The following MEF2C variants were observed in gnomAD, a reference collection of about 807,000 sequenced individuals.
MEF2C encodes myocyte-specific enhancer factor 2C.
MEF2C carries 6 observed loss-of-function variants against 50.5 expected under a neutral mutation model. That is an observed-to-expected ratio of 0.12 (90% CI 0.07 to 0.23). The LOEUF (loss-of-function observed/expected upper bound fraction) is 0.23. MEF2C is among the 10% of genes least tolerant of loss of function. The pLI, the probability that MEF2C is intolerant of heterozygous loss-of-function variation, is 1.00. For synonymous variants in MEF2C, 183 were observed against 228.0 expected (o/e 0.80, Z 1.78); for missense variants, 276 against 605.0 (o/e 0.46, Z 5.70).
At chr5:88,747,168 T>C (rs1053846839) in intron 6 of MEF2C, among the ~76,000 whole-genome samples, 1 of 152,186 alleles carries the variant, frequency 6.6e-6, no homozygotes, top group Admixed American at 6.5e-5. Context: ...TCATTAAACT[T>C]AGCCAACTGT....
intron 1 of MEF2C, among the ~76,000 whole-genome samples, chr5:88,835,532 C>T (rs1166947003): frequency 6.6e-6 from 1 of 151,994 alleles, no homozygotes; most frequent in Admixed American, 6.6e-5. Flanking sequence ...AAAATACAGG[C>T]CTGGCGCAGT....
chr5:88,729,172 A>G, intron 9 of MEF2C, 46 bp downstream of exon 9: 4 of 1,608,354 alleles, frequency 2.5e-6, no homozygotes, highest in Middle Eastern at 1.7e-4. Flanking sequence ...TTGATTTTCA[A>G]TAAAAAGTAT....
intron 1 of MEF2C, among the ~76,000 whole-genome samples, chr5:88,841,309 C>T (rs919775483): frequency 2.6e-5 from 4 of 151,972 alleles, no homozygotes; most frequent in African/African-American, 9.7e-5. Flanking sequence ...CAGTTCGAGA[C>T]CAGTCTGGGC....
At chr5:88,819,709 A>G (rs1008348699) in intron 2 of MEF2C, among the ~76,000 whole-genome samples, 6 of 151,996 alleles carry the variant, frequency 3.9e-5, no homozygotes, top group African/African-American at 1.4e-4. Flanking sequence ...GTTTAACTCA[A>G]TCAGGGGTCC....
chr5:88,789,515 T>A (rs1792715467), intron 3 of MEF2C, among the ~76,000 whole-genome samples: 1 of 152,062 alleles, frequency 6.6e-6, no homozygotes, highest in South Asian at 2.1e-4. Context: ...ACACCCATTG[T>A]GTAGTTTTAC....
Position 88,718,639 on chromosome 5 carries a change from T to G in MEF2C, c.*3965A>C, listed in dbSNP as rs1755288734. On this transcript the variant is annotated 3_prime_UTR_variant, in exon 11 of 11. Coordinates refer to ENST00000504921, the MANE Select transcript of MEF2C (RefSeq NM_002397.5). Reference sequence around the variant, plus strand: ...CTTTGCTCGAAGAGAACACTGGTACTGCATTCAAACCACAACAGAATCCGT... The same window carrying G: ...CTTTGCTCGAAGAGAACACTGGTACGGCATTCAAACCACAACAGAATCCGT... The G allele has an allele frequency of 6.6e-6, 1 of 152,230 alleles. No individual in the cohort carries two copies. The highest frequency in any genetic ancestry group is 1.5e-5 in the Non-Finnish European group (1 of 68,040). 9.4% of individuals were successfully genotyped at this position (152,230 alleles called of 1,614,324 possible).
intron 1 of MEF2C, among the ~76,000 whole-genome samples, chr5:88,867,777 AACC>A (rs746014868): frequency 2.0e-5 from 3 of 152,224 alleles, no homozygotes; most frequent in Admixed American, 6.5e-5. Flanking sequence ...TCCTACTTTC[AACC>A]ACCAAGCCAG....
At chr5:88,736,850 C>G (rs1272796221) in intron 6 of MEF2C, 1 of 985,224 alleles carries the variant, frequency 1.0e-6, no homozygotes, top group Non-Finnish European at 1.2e-6. Context: ...GGAATATATG[C>G]AAATCTTTGC....
intron 3 of MEF2C, among the ~76,000 whole-genome samples, chr5:88,767,417 C>A (rs377544679): frequency 6.8e-6 from 1 of 146,196 alleles, no homozygotes; most frequent in Non-Finnish European, 1.5e-5. Flanking sequence ...GAAATGAAGA[C>A]ACATTAATAT....
At chr5:88,849,000 A>C (rs557046743) in intron 1 of MEF2C, among the ~76,000 whole-genome samples, 2 of 151,870 alleles carry the variant, frequency 1.3e-5, no homozygotes, top group Non-Finnish European at 2.9e-5. Context: ...AAAATACAAA[A>C]ATTCGCCGGG....
chr5:88,775,863 T>G, intron 3 of MEF2C: 3 of 957,792 alleles, frequency 3.1e-6, no homozygotes, highest in Non-Finnish European at 3.7e-6. Flanking sequence ...TATATACATT[T>G]TATTTTTTTA....
chr5:88,824,176 C>CT (rs1482889512), intron 1 of MEF2C: 2 of 953,006 alleles, frequency 2.1e-6, no homozygotes, highest in East Asian at 1.1e-4. Context: ...GCAAACTATG[C>CT]TTTTTTAAAG....
intron 3 of MEF2C, among the ~76,000 whole-genome samples, chr5:88,766,022 T>C (rs1333421417): frequency 6.6e-6 from 1 of 152,140 alleles, no homozygotes; most frequent in African/African-American, 2.4e-5. Flanking sequence ...AGAGGAGTAA[T>C]TAGATTGACA....
chr5:88,732,252 C>T (rs976316123), intron 6 of MEF2C, among the ~76,000 whole-genome samples: 2 of 152,108 alleles, frequency 1.3e-5, no homozygotes, highest in South Asian at 2.1e-4. Flanking sequence ...ACTAGCTTGG[C>T]GGAGGCCTGG....
At chr5:88,812,519 AT>A (rs1441456364) in intron 2 of MEF2C, among the ~76,000 whole-genome samples, 1 of 152,122 alleles carries the variant, frequency 6.6e-6, no homozygotes, top group Non-Finnish European at 1.5e-5. Flanking sequence ...ACTTGGTCAA[AT>A]TTTGTGTGTG....
chr5:88,888,493 T>C (rs1834212571), intron 1 of MEF2C, among the ~76,000 whole-genome samples: 1 of 152,252 alleles, frequency 6.6e-6, no homozygotes, highest in Non-Finnish European at 1.5e-5. Context: ...TGGCCAGTTT[T>C]ACTTTATGGG....
intron 1 of MEF2C, among the ~76,000 whole-genome samples, chr5:88,827,614 A>T (rs558556181): frequency 1.3e-5 from 2 of 152,096 alleles, no homozygotes; most frequent in Admixed American, 1.3e-4. Flanking sequence ...TGTCAGCTCT[A>T]GGTTAGTGTT....
rs987901900 is a variant in MEF2C, at chr5:88,734,582, T to G, written c.638-2681A>C. The G allele has an allele frequency of 1.1e-3, 1,053 of 957,964 alleles. 1 individual carries two copies. The highest frequency in any genetic ancestry group is 1.4e-3 in the South Asian group (28 of 20,682). 59.3% of individuals were successfully genotyped at this position (957,964 alleles called of 1,614,324 possible). A position where few individuals can be genotyped will look rare whatever the true frequency, so the allele number is the denominator to read the frequency against. ...AAAAGTTTGTTTTTTTTTTTTTTTT[T>G]TTTTTTTTTTTTTTTTAGCATTTTC... On this transcript the variant is annotated intron_variant, in intron 6 of 10. Transcript: ENST00000504921.
intron 3 of MEF2C, among the ~76,000 whole-genome samples, chr5:88,803,424 G>C (rs1177465574): frequency 6.6e-6 from 1 of 152,160 alleles, no homozygotes; most frequent in African/African-American, 2.4e-5. Context: ...GATGTGGGAG[G>C]CATATTCATT....
Sources: gnomAD v4.1 joint callset for allele counts (sites outside exome capture counted in the v4.1 genomes callset) on GRCh38, gnomAD v4.1.1 for gene constraint, MANE v1.5 for transcripts, NCBI Gene and HGNC (gene_info 2026-07-23, HGNC 2026-07-21) for gene names.